The following PRDM15 variants were observed in gnomAD, a reference collection of about 807,000 sequenced individuals.
PRDM15 encodes the protein PR domain zinc finger protein 15.
PRDM15 carries 64 observed loss-of-function variants against 128.6 expected under a neutral mutation model. The ratio of observed to expected loss-of-function variants is 0.50; its 90% CI spans 0.41 to 0.61. The LOEUF (loss-of-function observed/expected upper bound fraction) is 0.61, where lower values mean the gene tolerates loss of function less well. Among genes scored for constraint, PRDM15 ranks in the 20% least tolerant of loss-of-function variants. The pLI is 0.00. For missense variants in PRDM15, 1,242 were observed against 1,569.1 expected (o/e 0.79, Z 3.52); for synonymous variants, 615 against 621.8 (o/e 0.99, Z 0.16).
intron 4 of PRDM15, among the ~76,000 whole-genome samples, chr21:41,855,911 C>T (rs1438961972): frequency 3.0e-4 from 1 of 3,332 alleles, no homozygotes; most frequent in Non-Finnish European, 5.2e-4. Flanking sequence ...CCTTCCTTTC[C>T]TTCCCTCCCT....
At chr21:41,834,555 G>A in intron 11 of PRDM15, 3 of 1,549,710 alleles carry the variant, frequency 1.9e-6, no homozygotes, top group East Asian at 2.4e-5. Context: ...TCCAGGGTGT[G>A]CTATGAGTCC....
chr21:41,801,105 G>T lies in PRDM15; in HGVS notation c.*135C>A, dbSNP rs994776296. On this transcript the variant is annotated 3_prime_UTR_variant, in exon 24 of 24. Transcript: ENST00000398548. ...GTAATGGTTGCTGGCGGGGGATCTG[G>T]AGATACTCTGCAAAGCTAAGTCAAC... is the stretch of plus-strand genomic sequence containing the variant. 86 of 1,278,006 alleles carry T rather than the reference G, an allele frequency of 6.7e-5. No homozygotes were observed. The African/African-American group carries it at 1.2e-3, about 18-fold the overall frequency. 79.2% of individuals were successfully genotyped at this position (1,278,006 alleles called of 1,614,324 possible).
chr21:41,825,781 A>G (rs2062447656), intron 13 of PRDM15, among the ~76,000 whole-genome samples, 179 bp downstream of exon 13: 1 of 152,142 alleles, frequency 6.6e-6, no homozygotes, highest in Non-Finnish European at 1.5e-5. Context: ...CTTAAGTACC[A>G]AAGAAATCCA....
Position 41,839,869 on chromosome 21 carries a change from C to G in PRDM15, c.641-16G>C, listed in dbSNP as rs139150748. The G allele has an allele frequency of 1.2e-6, 2 of 1,607,080 alleles. No homozygotes were observed. Among genetic ancestry groups the G allele is most frequent in the Admixed American group, 1.7e-5 (1 of 59,954 alleles). On this transcript the variant is annotated splice_polypyrimidine_tract_variant and intron_variant, in intron 6 of 23. Coordinates refer to ENST00000398548, the MANE Select transcript of PRDM15 (RefSeq NM_001040424.3). ...AACAGATGTTCTGCAAAGAGAGACG[C>G]GAATGCACCACACAATTAGGAAGCC...
intron 9 of PRDM15, 125 bp from the exon 10 acceptor site, chr21:41,836,332 T>A (rs1292735395): frequency 9.4e-6 from 12 of 1,270,212 alleles, no homozygotes; most frequent in Non-Finnish European, 1.3e-5. Context: ...GCAGAGATGA[T>A]CGCCCACAAA....
rs549354827 is a variant in PRDM15, at chr21:41,811,904, C to A, written c.2393-1068G>T. 6.6e-6 allele frequency: 1 copy of A among 152,290 alleles called. No individual in the cohort carries two copies. Among genetic ancestry groups the A allele is most frequent in the African/African-American group, 2.4e-5 (1 of 41,552 alleles). The allele number at this position is 152,290 out of a possible 1,614,324, so 9.4% of individuals were successfully genotyped here. On this transcript the variant is annotated intron_variant, in intron 19 of 23. Transcript: ENST00000398548. This position sits in a 1 kb window ranked among gnomAD's most constrained non-coding sequence, Gnocchi z 4.1. ...TTTCACCGTGGTCTCGATCTCCTGA[C>A]CTCGTGATCCGCCCGCCTCGGCCTC...
At chr21:41,841,897 CTA>C (rs1163960219) in intron 6 of PRDM15, among the ~76,000 whole-genome samples, 1 of 152,142 alleles carries the variant, frequency 6.6e-6, no homozygotes, top group African/African-American at 2.4e-5. Flanking sequence ...TATTATTAGA[CTA>C]TGTTATTAAG....
chr21:41,845,568 C>G (rs537415027), intron 6 of PRDM15, among the ~76,000 whole-genome samples: 2 of 151,770 alleles, frequency 1.3e-5, no homozygotes, highest in African/African-American at 4.8e-5. Context: ...TCAAGGCTGC[C>G]GTGCTGTGGG....
chr21:41,801,515 A>G lies in PRDM15; in HGVS notation c.3151T>C (p.Ser1051Pro). 2 of 1,614,186 alleles carry G rather than the reference A, an allele frequency of 1.2e-6. No individual in the cohort carries two copies. Among genetic ancestry groups the G allele is most frequent in the South Asian group, 2.2e-5 (2 of 91,080 alleles). Residue 1051 changes from serine to proline, a missense_variant, in exon 24 of 24, where the codon TCT becomes CCT. Ser to Pro is a moderately conservative substitution (Grantham distance 74). Around this residue, in one of 3 missense-constraint regions of PRDM15, gnomAD observed 602 missense variants for 788.3 expected, o/e 0.76. Coordinates refer to ENST00000398548, the MANE Select transcript of PRDM15 (RefSeq NM_001040424.3). Reference sequence around the variant, plus strand: ...TTTTGGCGGTTGTGCAACATGGCAGAGCCGCTGACGGTATCAAAGGTCACG... The same window carrying G: ...TTTTGGCGGTTGTGCAACATGGCAGGGCCGCTGACGGTATCAAAGGTCACG... ...LTVTFDTVSGSAMLHNRQNDV... is the reference protein window; with the variant it reads ...LTVTFDTVSGPAMLHNRQNDV...
chr21:41,855,514 C>G (rs527970986), intron 4 of PRDM15, among the ~76,000 whole-genome samples: 1 of 152,186 alleles, frequency 6.6e-6, no homozygotes, highest in African/African-American at 2.4e-5. Context: ...AGAGAGGCCT[C>G]TCCAAAGACG....
rs112344977 is a variant in PRDM15 at position 41,827,885 on chromosome 21, G to A, written c.1534+281C>T. Among the ~76,000 whole-genome samples the A allele has an allele frequency of 2.7e-3, 408 of 152,116 alleles. 1 individual carries two copies. Among genetic ancestry groups the A allele is most frequent in the Non-Finnish European group, 4.4e-3 (297 of 67,990 alleles). ...AGTGAAACACTGGACCCCACAAATC[G>A]TCCAGTTTTCTTAGCTCCTTCCCCA... On this transcript the variant is annotated intron_variant, in intron 12 of 23. Coordinates refer to ENST00000398548, the MANE Select transcript of PRDM15 (RefSeq NM_001040424.3).
rs1378732579 is a variant in PRDM15 at position 41,854,166 on chromosome 21, A to G, written c.538+400T>C. On this transcript the variant is annotated intron_variant, in intron 5 of 23. Coordinates refer to ENST00000398548, the MANE Select transcript of PRDM15 (RefSeq NM_001040424.3). This position sits in a 1 kb window ranked among gnomAD's most constrained non-coding sequence, Gnocchi z 4.6. ...TGTGTTACAGTTGCCCACAGCATGC[A>G]GTACAGTCACATGCTGGACAGGCTG... 6.6e-6 allele frequency among the ~76,000 whole-genome samples: 1 copy of G among 152,194 alleles called. No individual in the cohort carries two copies. The highest frequency in any genetic ancestry group is 2.4e-5 in the African/African-American group (1 of 41,452).
At chr21:41,869,762 A>G (rs1327555472) in intron 1 of PRDM15, among the ~76,000 whole-genome samples, 2 of 152,240 alleles carry the variant, frequency 1.3e-5, no homozygotes, top group African/African-American at 4.8e-5. Context: ...TCTTATAAGT[A>G]TACATCTTAC....
In PRDM15 at chr21:41,828,213, A is replaced by G; in HGVS notation, c.1487T>C (p.Phe496Ser). ...KFACEVCSKM[F>S]YRKDVMLDHQ... ...GTCCAGCATGACGTCCTTGCGGTAG[A>G]ACATCTTGCTGCAGACCTCACAGGC... Residue 496 changes from phenylalanine to serine, a missense_variant, in exon 12 of 24, where the codon TTC becomes TCC. Around this residue, in one of 3 missense-constraint regions of PRDM15, gnomAD observed 612 missense variants for 717.0 expected, o/e 0.85. Coordinates refer to ENST00000398548, the MANE Select transcript of PRDM15 (RefSeq NM_001040424.3). This position sits in a 1 kb window ranked among gnomAD's most constrained non-coding sequence, Gnocchi z 5.7. 1.9e-6 allele frequency: 3 copies of G among 1,613,996 alleles called. No homozygotes were observed. Among genetic ancestry groups the G allele is most frequent in the Non-Finnish European group, 2.5e-6 (3 of 1,179,974 alleles).
chr21:41,830,360 A>C (rs2062643811), intron 11 of PRDM15, among the ~76,000 whole-genome samples: 1 of 151,330 alleles, frequency 6.6e-6, no homozygotes, highest in Non-Finnish European at 1.5e-5. Flanking sequence ...ATACACACAC[A>C]ACATACAAAC....
In PRDM15 at chr21:41,801,388, C is replaced by T. The variant is rs2061412069; in HGVS notation, c.3278G>A (p.Ser1093Asn). 8 of 1,612,198 alleles carry T rather than the reference C, an allele frequency of 5.0e-6. No homozygotes were observed. The highest frequency in any genetic ancestry group is 4.4e-5 in the South Asian group (4 of 91,008). ...TLVNSITPLG[S>N]QLSDQHPLTW... Reference sequence around the variant, plus strand: ...GAGCGGGTGCTGGTCACTAAGCTGGCTCCCCAGGGGCGTGATGGAGTTGAC... The same window carrying T: ...GAGCGGGTGCTGGTCACTAAGCTGGTTCCCCAGGGGCGTGATGGAGTTGAC... The change falls in exon 24 of 24, where the codon AGC becomes AAC. Residue 1093 changes from serine (S) to asparagine (N), a missense_variant. Around this residue, in one of 3 missense-constraint regions of PRDM15, gnomAD observed 602 missense variants for 788.3 expected, o/e 0.76. Transcript: ENST00000398548.
At chr21:41,806,492 CCATCACCA>C (rs2061647408) in intron 21 of PRDM15, among the ~76,000 whole-genome samples, 2 of 96,748 alleles carry the variant, frequency 2.1e-5, no homozygotes, top group African/African-American at 4.6e-5. Context: ...ACTACCACCA[CCATCACCA>C]CCATCACCAT....
intron 6 of PRDM15, among the ~76,000 whole-genome samples, chr21:41,842,078 A>G (rs1194662715): frequency 3.9e-5 from 6 of 152,246 alleles, no homozygotes; most frequent in Non-Finnish European, 7.3e-5. Context: ...ATAAAAAGCA[A>G]ATAATAAATA....
rs1339291193 is a variant in PRDM15 at position 41,798,683 on chromosome 21, C to A, written c.*2557G>T. On this transcript the variant is annotated 3_prime_UTR_variant, in exon 24 of 24. Coordinates refer to ENST00000398548, the MANE Select transcript of PRDM15 (RefSeq NM_001040424.3). ...CGAATTCTCCACTGAGATGGGTCCA[C>A]AGAGCCTGGTGGCCACAATGGCTGG... 1 of 152,248 alleles carries A rather than the reference C, an allele frequency of 6.6e-6. No homozygotes were observed. The highest frequency in any genetic ancestry group is 1.9e-4 in the East Asian group (1 of 5,196). 9.4% of individuals were successfully genotyped at this position (152,248 alleles called of 1,614,324 possible). A position where few individuals can be genotyped will look rare whatever the true frequency, so the allele number is the denominator to read the frequency against.
Sources: allele counts gnomAD v4.1 joint callset (sites outside exome capture counted in the v4.1 genomes callset), GRCh38; gene constraint gnomAD v4.1.1; regional missense constraint gnomAD v4.1.1; non-coding constraint Gnocchi (gnomAD v3.1); transcripts MANE v1.5; gene names NCBI Gene and HGNC (gene_info 2026-07-23, HGNC 2026-07-21).